LRRC1: variants seen among roughly 807,000 people sequenced by gnomAD.
LRRC1 encodes leucine rich repeat containing 1, also known as leucine-rich repeat-containing protein 1.
LRRC1 carries 28 observed loss-of-function variants against 69.9 expected under a neutral mutation model. That is an observed-to-expected ratio of 0.40 (90% CI 0.30 to 0.55). The LOEUF (loss-of-function observed/expected upper bound fraction) is 0.55, where lower values mean the gene tolerates loss of function less well. LRRC1 is among the 20% of genes least tolerant of loss of function. The probability of loss-of-function intolerance (pLI) is 0.47; values close to 1 mark genes in which losing one functional copy is unlikely to be tolerated. For missense variants in LRRC1, 498 were observed against 609.0 expected (o/e 0.82, Z 1.92); for synonymous variants, 236 against 240.2 (o/e 0.98, Z 0.16).
intron 10 of LRRC1, among the ~76,000 whole-genome samples, chr6:53,909,928 A>G (rs1768358300): frequency 6.6e-6 from 1 of 152,206 alleles, no homozygotes; most frequent in Admixed American, 6.5e-5. Flanking sequence ...CAAGCATTTA[A>G]AAAATGGAAG....
intron 4 of LRRC1, among the ~76,000 whole-genome samples, chr6:53,886,946 GTT>G (rs1196889046): frequency 6.6e-6 from 1 of 152,184 alleles, no homozygotes; most frequent in African/African-American, 2.4e-5. Flanking sequence ...TGGTTGTCCA[GTT>G]CTCTTTGTGT....
At chr6:53,838,327 C>G (rs573573841) in intron 1 of LRRC1, among the ~76,000 whole-genome samples, 3 of 152,280 alleles carry the variant, frequency 2.0e-5, no homozygotes, top group South Asian at 4.1e-4. Context: ...GTGACAGGCT[C>G]TAGTGGAGGA....
At chr6:53,836,068 G>A (rs1482336696) in intron 1 of LRRC1, among the ~76,000 whole-genome samples, 1 of 152,136 alleles carries the variant, frequency 6.6e-6, no homozygotes, top group Non-Finnish European at 1.5e-5. Context: ...TGCTCTCTGG[G>A]AGCTTCATAT....
intron 1 of LRRC1, among the ~76,000 whole-genome samples, chr6:53,808,845 C>T (rs1402388314): frequency 6.6e-6 from 1 of 152,134 alleles, no homozygotes; most frequent in African/African-American, 2.4e-5. Context: ...GAGTGAGACC[C>T]TGTTTCAAAA....
At chr6:53,870,670 T>C (rs1766853476) in intron 2 of LRRC1, among the ~76,000 whole-genome samples, 1 of 152,192 alleles carries the variant, frequency 6.6e-6, no homozygotes, top group South Asian at 2.1e-4. Flanking sequence ...TTTAGTTATT[T>C]TGAATTTAAT....
At chr6:53,882,378 A>G (rs529360249) in intron 3 of LRRC1, among the ~76,000 whole-genome samples, 24 of 152,344 alleles carry the variant, frequency 1.6e-4, no homozygotes, top group African/African-American at 5.5e-4. Flanking sequence ...ATTGTCTGTC[A>G]GTGGATCAAT....
In LRRC1 at chr6:53,907,977, G is replaced by T. The variant is rs74884052; in HGVS notation, c.990+3515G>T. Among the ~76,000 whole-genome samples the T allele has an allele frequency of 2.2e-3, 331 of 152,236 alleles. 2 individuals carry two copies. Among genetic ancestry groups the T allele is most frequent in the African/African-American group, 7.6e-3 (315 of 41,540 alleles). ...TTGCTTTATTTGCTACACCTGGCAT[G>T]CCTCTGATTTTTCAAGTCACTTATT... On this transcript the variant is annotated intron_variant, in intron 10 of 13. Coordinates refer to ENST00000370888, the MANE Select transcript of LRRC1 (RefSeq NM_018214.5).
intron 1 of LRRC1, among the ~76,000 whole-genome samples, chr6:53,795,856 C>T (rs1252405091): frequency 6.6e-6 from 1 of 152,240 alleles, no homozygotes; most frequent in Non-Finnish European, 1.5e-5. Flanking sequence ...TTAGTCAAGG[C>T]ATGTCCCGGA....
intron 2 of LRRC1, among the ~76,000 whole-genome samples, chr6:53,873,289 C>CTT (rs57201410): frequency 4.2e-4 from 58 of 136,800 alleles, no homozygotes; most frequent in East Asian, 8.5e-4. Flanking sequence ...ACCGATTTTT[C>CTT]TTTTTTTTTT....
intron 3 of LRRC1, among the ~76,000 whole-genome samples, chr6:53,880,318 C>T (rs1196186813): frequency 6.6e-6 from 1 of 152,016 alleles, no homozygotes; most frequent in Admixed American, 6.6e-5. Context: ...TCTTACTTAT[C>T]ACTGTCCCTC....
chr6:53,843,210 T>C (rs1269231362), intron 2 of LRRC1, among the ~76,000 whole-genome samples: 1 of 152,230 alleles, frequency 6.6e-6, no homozygotes, highest in Admixed American at 6.5e-5. Flanking sequence ...ACATACCTGA[T>C]TTATTTTGTG....
intron 1 of LRRC1, among the ~76,000 whole-genome samples, chr6:53,798,619 C>T (rs1301242244): frequency 6.6e-6 from 1 of 152,068 alleles, no homozygotes; most frequent in East Asian, 1.9e-4. Flanking sequence ...GACCTCATGA[C>T]CCACCCGCCT....
In LRRC1 at chr6:53,812,566, T is replaced by C. The variant is rs528013507; in HGVS notation, c.159+17151T>C. On this transcript the variant is annotated intron_variant, in intron 1 of 13. Coordinates refer to ENST00000370888, the MANE Select transcript of LRRC1 (RefSeq NM_018214.5). ...TCAGCCGGGCGTGGTGGCGGGCGCC[T>C]GTAGTCCCAGCTACTCGGGAGGCTG... is the stretch of plus-strand genomic sequence containing the variant. Among the ~76,000 whole-genome samples, 25 of 151,768 alleles carry C rather than the reference T, an allele frequency of 1.6e-4. No individual in the cohort carries two copies. The East Asian group carries it at 4.9e-3, about 30-fold the overall frequency.
intron 2 of LRRC1, among the ~76,000 whole-genome samples, chr6:53,850,695 T>A (rs138287038): frequency 7.0e-4 from 107 of 152,362 alleles, no homozygotes; most frequent in Middle Eastern, 3.4e-3. Flanking sequence ...GATTTAAAAA[T>A]CTCAGTGGCT....
intron 10 of LRRC1, among the ~76,000 whole-genome samples, chr6:53,906,740 T>A (rs1391389920): frequency 1.3e-5 from 2 of 152,236 alleles, no homozygotes; most frequent in African/African-American, 4.8e-5. Flanking sequence ...AGCGTTTTAG[T>A]CATATTTTGT....
chr6:53,810,412 A>T (rs969346458), intron 1 of LRRC1, among the ~76,000 whole-genome samples: 4 of 152,152 alleles, frequency 2.6e-5, no homozygotes, highest in Non-Finnish European at 5.9e-5. Context: ...TGAGGTCAGG[A>T]GATAGAGACC....
intron 1 of LRRC1, among the ~76,000 whole-genome samples, chr6:53,831,760 T>C (rs1017877831): frequency 4.9e-4 from 75 of 152,200 alleles, no homozygotes; most frequent in African/African-American, 1.8e-3. Context: ...CAACTCAGAT[T>C]AATTTTTGAA....
chr6:53,832,736 A>G (rs1372151109), intron 1 of LRRC1, among the ~76,000 whole-genome samples: 1 of 152,208 alleles, frequency 6.6e-6, no homozygotes, highest in Non-Finnish European at 1.5e-5. Flanking sequence ...TCTGTCGTAC[A>G]AAACATCAAT....
At chr6:53,893,600 G>T (rs1299367096) in intron 4 of LRRC1, among the ~76,000 whole-genome samples, 1 of 152,086 alleles carries the variant, frequency 6.6e-6, no homozygotes, top group African/African-American at 2.4e-5. Context: ...GAGCATTTTG[G>T]ATTTCAGATT....
Sources: gnomAD v4.1 joint callset for allele counts (sites outside exome capture counted in the v4.1 genomes callset) on GRCh38, gnomAD v4.1.1 for gene constraint, MANE v1.5 for transcripts, NCBI Gene and HGNC (gene_info 2026-07-23, HGNC 2026-07-21) for gene names.